Variants in PRKCQ observed in about 807,000 individuals in gnomAD.
PRKCQ encodes the protein protein kinase C theta type.
PRKCQ carries 41 observed loss-of-function variants against 91.2 expected under a neutral mutation model. That is an observed-to-expected ratio of 0.45 (90% CI 0.35 to 0.58). PRKCQ has a LOEUF of 0.58. Among genes scored for constraint, PRKCQ ranks in the 20% least tolerant of loss-of-function variants. The pLI, the probability that PRKCQ is intolerant of heterozygous loss-of-function variation, is 0.00. For missense variants in PRKCQ, 673 were observed against 896.5 expected (o/e 0.75, Z 3.18); for synonymous variants, 307 against 316.9 (o/e 0.97, Z 0.33).
chr10:6,429,578 C>T (rs75868318), intron 17 of PRKCQ, among the ~76,000 whole-genome samples: 4,683 of 152,170 alleles, frequency 0.031, 269 homozygotes, highest in African/African-American at 0.11. Flanking sequence ...CCCCCTTCAG[C>T]ACGGATATGG....
chr10:6,493,776 C>T (rs1157759507), intron 7 of PRKCQ, among the ~76,000 whole-genome samples: 4 of 152,176 alleles, frequency 2.6e-5, no homozygotes, highest in African/African-American at 9.7e-5. Context: ...AGCTCTGCCA[C>T]GTACAGGTGA....
At chr10:6,569,015 G>A (rs768920365) in intron 1 of PRKCQ, among the ~76,000 whole-genome samples, 1 of 152,126 alleles carries the variant, frequency 6.6e-6, no homozygotes, top group South Asian at 2.1e-4. Flanking sequence ...AATCTTCCAA[G>A]ACAATAGTAA....
chr10:6,396,967 A>AGGCG, the PRKCQ span, among the ~76,000 whole-genome samples: 1 of 152,130 alleles, frequency 6.6e-6, no homozygotes, highest in Non-Finnish European at 1.5e-5. Flanking sequence ...TTTTTACTGT[A>AGGCG]GGCATCCTAG....
rs552638176 is a variant in PRKCQ, at chr10:6,449,857, A to G, written c.1647+6817T>C. 1.2e-4 allele frequency among the ~76,000 whole-genome samples: 18 copies of G among 152,338 alleles called. No individual in the cohort carries two copies. The East Asian group carries it at 3.5e-3, about 29-fold the overall frequency. On this transcript the variant is annotated intron_variant, in intron 15 of 17. Transcript: ENST00000263125. ...TAAGCTTCATAAGTGAAGGAGAAAT[A>G]AAATACTTTACAGACAAGAAAATGC...
At chr10:6,549,735 A>G (rs1418593303) in intron 1 of PRKCQ, among the ~76,000 whole-genome samples, 3 of 151,114 alleles carry the variant, frequency 2.0e-5, no homozygotes, top group Non-Finnish European at 4.4e-5. Flanking sequence ...GGCTCAAGAA[A>G]TTCTCCCGCC....
intron 7 of PRKCQ, among the ~76,000 whole-genome samples, chr10:6,493,947 A>T (rs1837456683): frequency 6.6e-6 from 1 of 152,178 alleles, no homozygotes; most frequent in Non-Finnish European, 1.5e-5. Context: ...GGAGAAAATC[A>T]TACTCCTGAG....
Position 6,465,400 on chromosome 10 carries a change from T to TTCAGGCTG in PRKCQ, c.1354-1004_1354-997dup, listed in dbSNP as rs1835596358. Among the ~76,000 whole-genome samples the TTCAGGCTG allele has an allele frequency of 6.6e-6, 1 of 152,194 alleles. No individual in the cohort carries two copies. The highest frequency in any genetic ancestry group is 2.4e-5 in the African/African-American group (1 of 41,446). On this transcript the variant is annotated intron_variant, in intron 12 of 17. Coordinates refer to ENST00000263125, the MANE Select transcript of PRKCQ (RefSeq NM_006257.5). The surrounding 1 kb of genome is among the most constrained non-coding windows in gnomAD (Gnocchi z 4.4). ...CAGTCAGAAGTAGGGCTGGGTGGTC[T>TTCAGGCTG]TCAGGCTGTGGTGGGCATATCAGCC...
intron 8 of PRKCQ, among the ~76,000 whole-genome samples, chr10:6,488,404 G>A (rs1295834665): frequency 1.1e-5 from 1 of 93,460 alleles, no homozygotes; most frequent in African/African-American, 4.1e-5. Flanking sequence ...TTTTTTTTTT[G>A]ACATGGAGTC....
Position 6,502,232 on chromosome 10 carries a change from G to C in PRKCQ, c.380-3674C>G, listed in dbSNP as rs148628212. On this transcript the variant is annotated intron_variant, in intron 4 of 17. Coordinates refer to ENST00000263125, the MANE Select transcript of PRKCQ (RefSeq NM_006257.5). ...CCACGGAAATGAGGAAACTATACCA[G>C]CTAAGGCAGGTGGAGGTAGGTGAAG... Among the ~76,000 whole-genome samples the C allele has an allele frequency of 7.3e-4, 111 of 152,340 alleles. 1 individual carries two copies. In the Middle Eastern group the frequency reaches 0.014, roughly 19 times the overall value.
At position 6,543,829 on chromosome 10, in the gene PRKCQ, G is replaced by A. The variant is rs1014090862; in HGVS notation, c.-9-28685C>T. 5.9e-5 allele frequency among the ~76,000 whole-genome samples: 9 copies of A among 152,188 alleles called. No homozygotes were observed. The East Asian group carries it at 1.2e-3, about 20-fold the overall frequency. On this transcript the variant is annotated intron_variant, in intron 1 of 17. Coordinates refer to ENST00000263125, the MANE Select transcript of PRKCQ (RefSeq NM_006257.5). ...AAATGTCCTGCCACTCCCATGCACC[G>A]CGCATCCTTCCTGGCTGGGATGACA...
At chr10:6,401,664 C>A in the PRKCQ span, among the ~76,000 whole-genome samples, 1 of 152,120 alleles carries the variant, frequency 6.6e-6, no homozygotes, top group East Asian at 1.9e-4. Flanking sequence ...CACTCTGGTC[C>A]CAAAGCTCTG....
chr10:6,407,061 T>G, the PRKCQ span, among the ~76,000 whole-genome samples: 1 of 152,240 alleles, frequency 6.6e-6, no homozygotes, highest in Admixed American at 6.5e-5. The surrounding 1 kb of genome is among the most constrained non-coding windows in gnomAD (Gnocchi z 4.0). Context: ...GGCATCATTT[T>G]TCTAATTTCA....
chr10:6,483,028 ATATT>A (rs2130777701), intron 11 of PRKCQ, among the ~76,000 whole-genome samples: 1 of 152,350 alleles, frequency 6.6e-6, no homozygotes, highest in African/African-American at 2.4e-5. Context: ...AAGCTGGAAG[ATATT>A]TAATAGAGAG....
At chr10:6,548,064 T>A (rs958071252) in intron 1 of PRKCQ, among the ~76,000 whole-genome samples, 2 of 152,070 alleles carry the variant, frequency 1.3e-5, no homozygotes, top group Non-Finnish European at 2.9e-5. Context: ...CATCAAAAAG[T>A]GGGTGAAGGA....
Position 6,550,354 on chromosome 10 carries a change from G to A in PRKCQ, c.-10+29857C>T, listed in dbSNP as rs1840133971. Reference sequence around the variant, plus strand: ...AGCGGTATGACCTTGGCTCACTGCAGCCTCCACCTCCCAGATTCAAACTAT... The same window carrying A: ...AGCGGTATGACCTTGGCTCACTGCAACCTCCACCTCCCAGATTCAAACTAT... On this transcript the variant is annotated intron_variant, in intron 1 of 17. Transcript: ENST00000263125. 3.3e-5 allele frequency among the ~76,000 whole-genome samples: 5 copies of A among 152,066 alleles called. No individual in the cohort carries two copies. In the South Asian group the frequency reaches 1.0e-3, roughly 32 times the overall value.
intron 1 of PRKCQ, among the ~76,000 whole-genome samples, chr10:6,522,017 A>C (rs576475011): frequency 6.6e-6 from 1 of 152,036 alleles, no homozygotes; most frequent in African/African-American, 2.4e-5. Flanking sequence ...ATCTTGGCTC[A>C]CTGCAACCTT....
chr10:6,441,793 CATT>C (rs1244832681), intron 16 of PRKCQ, 97 bp downstream of exon 16: 5 of 1,233,290 alleles, frequency 4.1e-6, no homozygotes, highest in African/African-American at 1.5e-5. Flanking sequence ...CAATAATAAT[CATT>C]GTTTGCCACA....
intron 14 of PRKCQ, among the ~76,000 whole-genome samples, chr10:6,458,497 C>T (rs1249772471): frequency 2.6e-5 from 4 of 152,140 alleles, no homozygotes; most frequent in Non-Finnish European, 5.9e-5. Context: ...AGAGGAGAAG[C>T]AGGCCATCAT....
At chr10:6,542,123 C>T (rs1036666658) in intron 1 of PRKCQ, among the ~76,000 whole-genome samples, 7 of 152,158 alleles carry the variant, frequency 4.6e-5, no homozygotes, top group South Asian at 2.1e-4. Flanking sequence ...CTAAGAGCAA[C>T]GAAGCCAATA....
Sources: gnomAD v4.1 joint callset for allele counts (sites outside exome capture counted in the v4.1 genomes callset) on GRCh38, gnomAD v4.1.1 for gene constraint, Gnocchi (gnomAD v3.1) non-coding constraint, MANE v1.5 for transcripts, NCBI Gene and HGNC (gene_info 2026-07-23, HGNC 2026-07-21) for gene names.